The following LRP6 variants were observed in gnomAD, a reference collection of about 807,000 sequenced individuals.
LRP6 encodes low-density lipoprotein receptor-related protein 6.
A neutral mutation model predicts 184.1 loss-of-function variants in LRP6; 43 were observed. That is an observed-to-expected ratio of 0.23 (90% CI 0.18 to 0.30). The LOEUF (loss-of-function observed/expected upper bound fraction) is 0.30. LRP6 is among the 10% of genes least tolerant of loss of function. LRP6 has a pLI of 1.00. For missense variants in LRP6, 1,571 were observed against 2,005.3 expected, an observed-to-expected ratio of 0.78 and a Z score of 4.14; for synonymous variants, 719 against 684.9, an observed-to-expected ratio of 1.05 and a Z score of -0.78.
Position 12,254,026 on chromosome 12 carries a change from C to T in LRP6, c.56-9371G>A, listed in dbSNP as rs368098493. Among the ~76,000 whole-genome samples, 7 of 151,122 alleles carry T rather than the reference C, an allele frequency of 4.6e-5. No individual in the cohort carries two copies. In the East Asian group the frequency reaches 1.4e-3, roughly 29 times the overall value. On this transcript the variant is annotated intron_variant, in intron 1 of 22. Transcript: ENST00000261349. ...GGGTATGGTCGCACACACCTGTGGT[C>T]GCAGCTACTAGGGAGGCTGAGATGG...
chr12:12,261,866 A>G (rs1246807376), intron 1 of LRP6, among the ~76,000 whole-genome samples: 4 of 152,236 alleles, frequency 2.6e-5, no homozygotes, highest in Non-Finnish European at 5.9e-5. Flanking sequence ...GCAAAACATT[A>G]GTGGTTTGTT....
At chr12:12,185,851 T>G (rs1863457619) in intron 4 of LRP6, among the ~76,000 whole-genome samples, 1 of 151,374 alleles carries the variant, frequency 6.6e-6, no homozygotes. Context: ...TTTTTTGTTT[T>G]TTTTTTTTTT....
chr12:12,248,945 G>C (rs1865256823), intron 1 of LRP6: 2 of 449,872 alleles, frequency 4.4e-6, no homozygotes, highest in Non-Finnish European at 8.0e-6. Context: ...TGTTCCAAAT[G>C]ACAGAGTATA....
intron 2 of LRP6, among the ~76,000 whole-genome samples, chr12:12,207,620 A>C (rs1467429532): frequency 6.6e-6 from 1 of 152,196 alleles, no homozygotes. Context: ...ACAAAATAGC[A>C]AACTAGCCAG....
At chr12:12,199,203 G>A (rs1465126769) in intron 3 of LRP6, among the ~76,000 whole-genome samples, 1 of 151,946 alleles carries the variant, frequency 6.6e-6, no homozygotes. Flanking sequence ...TTGGCACTAG[G>A]AATCACAGCA....
At chr12:12,155,329 G>C (rs1445305375) in intron 12 of LRP6, 8 of 758,332 alleles carry the variant, frequency 1.1e-5, no homozygotes, top group East Asian at 9.8e-5. Context: ...AGAAAGCATG[G>C]AGTTGTTCCT....
intron 5 of LRP6, among the ~76,000 whole-genome samples, chr12:12,182,087 T>C (rs1863358502): frequency 6.6e-6 from 1 of 152,076 alleles, no homozygotes; most frequent in Non-Finnish European, 1.5e-5. Flanking sequence ...CAGATAAACA[T>C]AACACAGTGG....
chr12:12,142,528 T>C (rs1949948755), intron 15 of LRP6, among the ~76,000 whole-genome samples: 1 of 151,948 alleles, frequency 6.6e-6, no homozygotes, highest in African/African-American at 2.4e-5. Flanking sequence ...GATGAAAGCA[T>C]AATTATCTGT....
At chr12:12,266,561 GCCTCTCCCCGCT>G (rs1865769912) in intron 1 of LRP6, 108 bp downstream of exon 1, 2 of 864,442 alleles carry the variant, frequency 2.3e-6, no homozygotes, top group African/African-American at 3.4e-5. Flanking sequence ...CCACGACCAG[GCCTCTCCCCGCT>G]CCTCTCCCCT....
chr12:12,133,860 G>A (rs1015830), intron 17 of LRP6, among the ~76,000 whole-genome samples: 13,008 of 71,666 alleles, frequency 0.18, 2,012 homozygotes, highest in African/African-American at 0.25. Context: ...GGGGGGGGGG[G>A]GGAGGGTAAA....
At chr12:12,249,151 C>G in intron 1 of LRP6, 1 of 710,514 alleles carries the variant, frequency 1.4e-6, no homozygotes. Context: ...ATAATTGGGC[C>G]TGCAAGAACA....
intron 1 of LRP6, among the ~76,000 whole-genome samples, chr12:12,265,235 C>T (rs1741846286): frequency 6.6e-6 from 1 of 152,096 alleles, no homozygotes; most frequent in African/African-American, 2.4e-5. Context: ...CTTATGAAAC[C>T]TCTCCAGTAC....
At chr12:12,265,199 T>A (rs1865725755) in intron 1 of LRP6, among the ~76,000 whole-genome samples, 1 of 151,316 alleles carries the variant, frequency 6.6e-6, no homozygotes, top group South Asian at 2.1e-4. Context: ...TTCAATAGAG[T>A]ATGCCAATAA....
intron 1 of LRP6, among the ~76,000 whole-genome samples, chr12:12,265,679 T>G (rs1299870007): frequency 6.6e-6 from 1 of 152,200 alleles, no homozygotes. Context: ...ATTCCTCTGC[T>G]GGTAAATGCT....
intron 2 of LRP6, among the ~76,000 whole-genome samples, chr12:12,206,111 T>C (rs750937940): frequency 3.3e-5 from 5 of 152,186 alleles, no homozygotes; most frequent in Admixed American, 2.6e-4. Context: ...CCCAGGTGTA[T>C]AGCAGGCTGT....
intron 2 of LRP6, among the ~76,000 whole-genome samples, chr12:12,206,831 C>A (rs139227048): frequency 6.6e-6 from 1 of 151,500 alleles, no homozygotes; most frequent in African/African-American, 2.4e-5. Flanking sequence ...AAAATGCCTG[C>A]GGTTTGGGAA....
Position 12,126,852 on chromosome 12 carries a change from A to C in LRP6, c.4151T>G (p.Ile1384Ser). 6.2e-7 allele frequency: 1 copy of C among 1,614,090 alleles called. No individual in the cohort carries two copies. Among genetic ancestry groups the C allele is most frequent in the Non-Finnish European group, 8.5e-7 (1 of 1,179,982 alleles). ...AAAGTATACAGTTCCAGACACAAAA[A>C]TGGTGACAATTACGCCAATAACAGA... is the stretch of plus-strand genomic sequence containing the variant. ...VGSVIGVIVT[I>S]FVSGTVYFIC... Residue 1384 changes from isoleucine (I) to serine (S), a missense_variant, in exon 20 of 23, where the codon ATT becomes AGT. Coordinates refer to ENST00000261349, the MANE Select transcript of LRP6 (RefSeq NM_002336.3).
chr12:12,211,487 C>T (rs1325000524), intron 2 of LRP6, among the ~76,000 whole-genome samples: 1 of 152,134 alleles, frequency 6.6e-6, no homozygotes, highest in Non-Finnish European at 1.5e-5. Context: ...TGGTTTGGGA[C>T]GGTAAGATGA....
chr12:12,263,020 G>A (rs968101376), intron 1 of LRP6, among the ~76,000 whole-genome samples: 2 of 151,038 alleles, frequency 1.3e-5, no homozygotes, highest in Admixed American at 6.6e-5. Context: ...TTGGGAGGCC[G>A]AGATGGGCAG....
Sources: gnomAD v4.1 joint callset for allele counts (sites outside exome capture counted in the v4.1 genomes callset) on GRCh38, gnomAD v4.1.1 for gene constraint, MANE v1.5 for transcripts, NCBI Gene and HGNC (gene_info 2026-07-23, HGNC 2026-07-21) for gene names.